CPED1: variants seen among roughly 807,000 people sequenced by gnomAD.
CPED1 encodes the protein cadherin like and PC-esterase domain containing 1.
A neutral mutation model predicts 128.2 loss-of-function variants in CPED1; 114 were observed. The observed-to-expected ratio is 0.89, with a 90% CI of 0.76 to 1.04. The LOEUF (loss-of-function observed/expected upper bound fraction) is 1.04, where lower values mean the gene tolerates loss of function less well. CPED1 is among the 50% of genes least tolerant of loss of function. CPED1 has a pLI of 0.00. For missense variants in CPED1, 1,211 were observed against 1,207.1 expected (o/e 1.00, Z -0.05); for synonymous variants, 462 against 426.7 (o/e 1.08, Z -1.02).
chr7:121,006,273 A>T (rs530639618), intron 2 of CPED1, among the ~76,000 whole-genome samples: 8 of 152,128 alleles, frequency 5.3e-5, no homozygotes, highest in African/African-American at 1.7e-4. Context: ...TTGTTATTTC[A>T]TAATTGTGGA....
chr7:121,078,260 G>T (rs1483178311), intron 5 of CPED1, among the ~76,000 whole-genome samples: 2 of 152,010 alleles, frequency 1.3e-5, no homozygotes, highest in African/African-American at 4.8e-5. Context: ...GGCCAGGGTG[G>T]TCTCAATTTC....
chr7:121,140,979 T>C lies in CPED1; in HGVS notation c.1852T>C (p.Cys618Arg), dbSNP rs746489194. Residue 618 changes from cysteine (C) to arginine (R), a missense_variant, in exon 15 of 23, where the codon TGC (cysteine) becomes CGC (arginine). Physicochemically the swap from Cys to Arg is radical, Grantham distance 180 (BLOSUM62 -3). Coordinates refer to ENST00000310396, the MANE Select transcript of CPED1 (RefSeq NM_024913.5). ...TGGAGTGGAAACTCCTAAGTGTCTGTGCAAGGTGCACCTGTACGAGCAGGC... is the reference window on the plus strand; with the variant it reads ...TGGAGTGGAAACTCCTAAGTGTCTGCGCAAGGTGCACCTGTACGAGCAGGC... Reference protein sequence around the residue: ...TIGVETPKCLCKVHLYEQAGP... With the variant: ...TIGVETPKCLRKVHLYEQAGP... The C allele has an allele frequency of 8.4e-5, 135 of 1,612,102 alleles. No individual in the cohort carries two copies. Among genetic ancestry groups the C allele is most frequent in the Non-Finnish European group, 1.1e-4 (132 of 1,179,080 alleles).
intron 7 of CPED1, among the ~76,000 whole-genome samples, chr7:121,120,980 A>T (rs976009205): frequency 1.3e-5 from 2 of 150,370 alleles, no homozygotes; most frequent in Non-Finnish European, 3.0e-5. Context: ...AAAAAAAAAA[A>T]AAAAAAACAA....
At chr7:121,259,657 A>C (rs1791965581) in intron 18 of CPED1, among the ~76,000 whole-genome samples, 1 of 152,058 alleles carries the variant, frequency 6.6e-6, no homozygotes, top group Non-Finnish European at 1.5e-5. Flanking sequence ...ATATGTAGGA[A>C]ATAGTTTAGA....
chr7:121,062,106 C>T (rs918197238), intron 4 of CPED1, among the ~76,000 whole-genome samples: 1 of 152,122 alleles, frequency 6.6e-6, no homozygotes, highest in South Asian at 2.1e-4. Context: ...CAATTGTTTC[C>T]CTTGGCTTGG....
intron 16 of CPED1, among the ~76,000 whole-genome samples, chr7:121,180,904 A>G (rs565291972): frequency 7.2e-5 from 11 of 152,210 alleles, no homozygotes; most frequent in Admixed American, 6.6e-4. Context: ...GCATTCTCTG[A>G]CAGGATCGGA....
chr7:120,997,747 C>G (rs942620802), intron 2 of CPED1, among the ~76,000 whole-genome samples: 1 of 151,736 alleles, frequency 6.6e-6, no homozygotes, highest in Non-Finnish European at 1.5e-5. Flanking sequence ...ATGGTGAAAC[C>G]CTGTCTTTAC....
At chr7:121,008,194 A>C (rs1207187672) in intron 2 of CPED1, among the ~76,000 whole-genome samples, 2 of 152,138 alleles carry the variant, frequency 1.3e-5, no homozygotes, top group Non-Finnish European at 2.9e-5. Context: ...CTCCTTCCTG[A>C]CATGGCTTTA....
At chr7:121,052,660 G>A (rs1304164608) in intron 4 of CPED1, among the ~76,000 whole-genome samples, 5 of 152,102 alleles carry the variant, frequency 3.3e-5, no homozygotes, top group Non-Finnish European at 2.9e-5. Context: ...GGGTGAAATA[G>A]GTAGAGAAGG....
intron 18 of CPED1, among the ~76,000 whole-genome samples, chr7:121,255,326 A>T (rs1447066604): frequency 6.6e-6 from 1 of 152,122 alleles, no homozygotes; most frequent in African/African-American, 2.4e-5. Context: ...TCATCTCAAT[A>T]CATATAGAAA....
At position 121,106,284 on chromosome 7, in the gene CPED1, TTAAC is replaced by T. The variant is rs1305204502; in HGVS notation, c.918+6195_918+6198del. 2.6e-5 allele frequency among the ~76,000 whole-genome samples: 4 copies of T among 152,028 alleles called. No individual in the cohort carries two copies. The East Asian group carries it at 5.8e-4, about 22-fold the overall frequency. ...AACGCATAGACATATGCAAATATAA[TTAAC>T]TAACATAATGCTTTATATAGGTAGA... On this transcript the variant is annotated intron_variant, in intron 7 of 22. Coordinates refer to ENST00000310396, the MANE Select transcript of CPED1 (RefSeq NM_024913.5).
chr7:121,193,934 T>C (rs1188021958), intron 16 of CPED1, among the ~76,000 whole-genome samples: 2 of 149,618 alleles, frequency 1.3e-5, no homozygotes, highest in African/African-American at 4.9e-5. Flanking sequence ...GAGTTAGAAA[T>C]TAATATCTGT....
intron 3 of CPED1, among the ~76,000 whole-genome samples, chr7:121,031,699 G>T (rs1257402514): frequency 6.6e-6 from 1 of 151,900 alleles, no homozygotes; most frequent in Non-Finnish European, 1.5e-5. Context: ...TTCAGTATTG[G>T]ATATTTATCT....
chr7:121,029,075 T>C (rs1792667805), intron 3 of CPED1, among the ~76,000 whole-genome samples: 1 of 152,174 alleles, frequency 6.6e-6, no homozygotes, highest in African/African-American at 2.4e-5. Context: ...TATTTAATAC[T>C]TCCTTAACCT....
At chr7:121,005,488 C>T (rs1481060971) in intron 2 of CPED1, among the ~76,000 whole-genome samples, 1 of 150,862 alleles carries the variant, frequency 6.6e-6, no homozygotes, top group Non-Finnish European at 1.5e-5. Flanking sequence ...GAACATCACA[C>T]ACTGGGGTCT....
At chr7:121,132,622 C>G (rs1206221422) in intron 12 of CPED1, among the ~76,000 whole-genome samples, 4 of 151,964 alleles carry the variant, frequency 2.6e-5, no homozygotes, top group African/African-American at 4.8e-5. Context: ...TGTGGTGCAC[C>G]ATGTGCTAAT....
chr7:121,229,344 T>C (rs1251247895), intron 16 of CPED1, among the ~76,000 whole-genome samples: 2 of 152,062 alleles, frequency 1.3e-5, no homozygotes, highest in African/African-American at 2.4e-5. Flanking sequence ...TTATGCTCTA[T>C]ATGATATATT....
At chr7:121,030,244 A>G (rs1450477228) in intron 3 of CPED1, among the ~76,000 whole-genome samples, 2 of 152,190 alleles carry the variant, frequency 1.3e-5, no homozygotes, top group East Asian at 3.8e-4. Flanking sequence ...GACTTGCCAT[A>G]TTAACAATTT....
chr7:121,012,441 T>C (rs1792182295), intron 2 of CPED1, among the ~76,000 whole-genome samples: 1 of 152,232 alleles, frequency 6.6e-6, no homozygotes, highest in South Asian at 2.1e-4. Flanking sequence ...GTTGTTGTAG[T>C]GGTGGCCAGG....
Sources: allele counts gnomAD v4.1 joint callset (sites outside exome capture counted in the v4.1 genomes callset), GRCh38; gene constraint gnomAD v4.1.1; transcripts MANE v1.5; gene names NCBI Gene and HGNC (gene_info 2026-07-23, HGNC 2026-07-21).